The following TRPS1 variants were observed in gnomAD, a reference collection of about 807,000 sequenced individuals.
TRPS1 encodes zinc finger transcription factor Trps1.
Under a neutral mutation model 101.2 loss-of-function variants are expected in TRPS1, and 6 were observed. That is an observed-to-expected ratio of 0.06 (90% CI 0.03 to 0.12). The LOEUF (loss-of-function observed/expected upper bound fraction) is 0.12, where lower values mean the gene tolerates loss of function less well. Among genes scored for constraint, TRPS1 ranks in the 10% least tolerant of loss-of-function variants. TRPS1 has a pLI of 1.00. For synonymous variants in TRPS1, 578 were observed against 589.8 expected (o/e 0.98, Z 0.29); for missense variants, 1,363 against 1,567.0 (o/e 0.87, Z 2.20).
In TRPS1 at chr8:115,604,143, G is replaced by A. The variant is rs777367298; in HGVS notation, c.1826C>T (p.Ala609Val). 4.3e-6 allele frequency: 7 copies of A among 1,614,136 alleles called. No individual in the cohort carries two copies. The South Asian group carries it at 7.7e-5, about 18-fold the overall frequency. ...ACRKSNCSHC[A>V]LLLLHLSPGA... ...AGGAGACAAGTGCAGAAGCAAGAGT[G>A]CACAGTGGGAACAATTACTTTTTCT... Residue 609 changes from alanine to valine, a missense_variant, in exon 4 of 7, where the codon GCA (alanine) becomes GTA (valine). Ala to Val is a moderately conservative substitution (Grantham distance 64). Coordinates refer to ENST00000395715, the MANE Select transcript of TRPS1 (RefSeq NM_014112.5). The surrounding 1 kb of genome is among the most constrained non-coding windows in gnomAD (Gnocchi z 4.1).
chr8:115,530,615 G>A (rs925759796), intron 5 of TRPS1, among the ~76,000 whole-genome samples: 4 of 152,138 alleles, frequency 2.6e-5, no homozygotes, highest in African/African-American at 9.7e-5. Flanking sequence ...TAAAAAATAT[G>A]TTAAGTGATT....
chr8:115,427,661 T>C (rs866122607), intron 5 of TRPS1, among the ~76,000 whole-genome samples: 18 of 152,226 alleles, frequency 1.2e-4, no homozygotes, highest in East Asian at 5.8e-4. Context: ...TATTACACCA[T>C]ATCCTGGCCT....
At chr8:115,660,293 C>A (rs986063738) in intron 1 of TRPS1, among the ~76,000 whole-genome samples, 6 of 151,960 alleles carry the variant, frequency 3.9e-5, no homozygotes, top group African/African-American at 1.4e-4. Context: ...TTTATACATT[C>A]TGTCCAAATT....
At chr8:115,556,065 A>G (rs1816813146) in intron 5 of TRPS1, among the ~76,000 whole-genome samples, 1 of 152,096 alleles carries the variant, frequency 6.6e-6, no homozygotes, top group South Asian at 2.1e-4. Flanking sequence ...TTCAAGACTA[A>G]GACACTAAGT....
At chr8:115,601,267 G>C (rs1586445374) in intron 4 of TRPS1, among the ~76,000 whole-genome samples, 1 of 152,272 alleles carries the variant, frequency 6.6e-6, no homozygotes, top group East Asian at 1.9e-4. Context: ...AATAATCTGA[G>C]TAAACAAATT....
At chr8:115,456,739 CA>C (rs1395690732) in intron 5 of TRPS1, among the ~76,000 whole-genome samples, 1 of 151,932 alleles carries the variant, frequency 6.6e-6, no homozygotes, top group Non-Finnish European at 1.5e-5. Flanking sequence ...TACTCCCCCC[CA>C]AAAACATAAA....
At chr8:115,609,069 A>C (rs561486729) in intron 3 of TRPS1, among the ~76,000 whole-genome samples, 1 of 151,590 alleles carries the variant, frequency 6.6e-6, no homozygotes, top group Admixed American at 6.6e-5. Context: ...CTGGTCTTGA[A>C]CTCCTGGGCT....
chr8:115,474,717 A>G (rs149245759), intron 5 of TRPS1, among the ~76,000 whole-genome samples: 2,137 of 152,246 alleles, frequency 0.014, 50 homozygotes, highest in African/African-American at 0.048. Flanking sequence ...TTATTTACAC[A>G]TGGAATATAA....
intron 5 of TRPS1, among the ~76,000 whole-genome samples, chr8:115,458,083 T>C (rs1814074114): frequency 6.6e-6 from 1 of 152,150 alleles, no homozygotes. Context: ...CACTTGCATA[T>C]GACTTTTAAG....
At chr8:115,483,364 T>A (rs1299446787) in intron 5 of TRPS1, among the ~76,000 whole-genome samples, 3 of 151,736 alleles carry the variant, frequency 2.0e-5, no homozygotes, top group African/African-American at 7.3e-5. Context: ...AGACCCCATC[T>A]CTATAAAAAA....
intron 3 of TRPS1, among the ~76,000 whole-genome samples, chr8:115,614,839 C>T (rs1818242615): frequency 6.6e-6 from 1 of 152,076 alleles, no homozygotes. Context: ...TCAAAATAAA[C>T]CACAGTAAGA....
At chr8:115,498,429 ATATAT>A (rs1815219240) in intron 5 of TRPS1, among the ~76,000 whole-genome samples, 1 of 114,930 alleles carries the variant, frequency 8.7e-6, no homozygotes, top group South Asian at 2.8e-4. Flanking sequence ...ATATATATAT[ATATAT>A]ATATATATAT....
At chr8:115,456,791 A>G (rs1814037774) in intron 5 of TRPS1, among the ~76,000 whole-genome samples, 1 of 152,140 alleles carries the variant, frequency 6.6e-6, no homozygotes, top group Non-Finnish European at 1.5e-5. Context: ...TTGATATGAT[A>G]AAATCCTCAC....
chr8:115,588,802 T>C (rs1563625865), intron 4 of TRPS1, among the ~76,000 whole-genome samples: 2 of 152,226 alleles, frequency 1.3e-5, no homozygotes, highest in African/African-American at 2.4e-5. Context: ...CTGTAAGTTA[T>C]GTACTCATAC....
chr8:115,663,739 A>AG (rs1281529605), intron 1 of TRPS1, among the ~76,000 whole-genome samples: 1 of 151,414 alleles, frequency 6.6e-6, no homozygotes, highest in Non-Finnish European at 1.5e-5. Flanking sequence ...AAAAAAAAAA[A>AG]AAAACTGGGA....
chr8:115,540,879 A>G (rs1178131757), intron 5 of TRPS1, among the ~76,000 whole-genome samples: 1 of 152,054 alleles, frequency 6.6e-6, no homozygotes, highest in Admixed American at 6.5e-5. Flanking sequence ...AAATTTTCAA[A>G]TGCTTATGAT....
chr8:115,520,786 G>A (rs1298231006), intron 5 of TRPS1, among the ~76,000 whole-genome samples: 2 of 151,762 alleles, frequency 1.3e-5, no homozygotes, highest in African/African-American at 4.8e-5. Flanking sequence ...TAACCTCAAA[G>A]GTTAATGTGC....
intron 5 of TRPS1, among the ~76,000 whole-genome samples, chr8:115,478,665 GT>G (rs1814666495): frequency 6.6e-6 from 1 of 151,890 alleles, no homozygotes; most frequent in Non-Finnish European, 1.5e-5. Context: ...TTAGCCAGGT[GT>G]GGTGGCAGGT....
At chr8:115,440,257 T>C (rs2129874716) in intron 5 of TRPS1, among the ~76,000 whole-genome samples, 1 of 152,346 alleles carries the variant, frequency 6.6e-6, no homozygotes, top group Admixed American at 6.5e-5. Flanking sequence ...TGCCACATCA[T>C]TCGGGAGTTA....
Sources: gnomAD v4.1 joint callset for allele counts (sites outside exome capture counted in the v4.1 genomes callset) on GRCh38, gnomAD v4.1.1 for gene constraint, Gnocchi (gnomAD v3.1) non-coding constraint, MANE v1.5 for transcripts, NCBI Gene and HGNC (gene_info 2026-07-23, HGNC 2026-07-21) for gene names.